Variants in NCOA6 observed in about 807,000 individuals in gnomAD.
NCOA6 encodes the protein NRC RAP250.
In NCOA6, 49 loss-of-function variants were observed where a neutral mutation model predicts 171.4. The observed-to-expected ratio is 0.29, with a 90% CI of 0.23 to 0.36. The LOEUF (loss-of-function observed/expected upper bound fraction) is 0.36. Among genes scored for constraint, NCOA6 ranks in the 10% least tolerant of loss-of-function variants. The pLI, the probability that NCOA6 is intolerant of heterozygous loss-of-function variation, is 1.00. For synonymous variants in NCOA6, 910 were observed against 927.5 expected, an observed-to-expected ratio of 0.98 and a Z score of 0.34; for missense variants, 2,248 against 2,554.5, an observed-to-expected ratio of 0.88 and a Z score of 2.59.
chr20:34,805,530 T>G (rs1455439343), intron 1 of NCOA6, among the ~76,000 whole-genome samples: 1 of 152,170 alleles, frequency 6.6e-6, no homozygotes, highest in Non-Finnish European at 1.5e-5. Flanking sequence ...TATCTAGTCA[T>G]GTACTGATGG....
At chr20:34,757,128 C>G in intron 7 of NCOA6, 92 bp downstream of exon 7, 1 of 1,318,556 alleles carries the variant, frequency 7.6e-7, no homozygotes, top group East Asian at 2.3e-5. Flanking sequence ...TATATCCTTA[C>G]TCCACTCCCT....
Position 34,715,270 on chromosome 20 carries a change from T to C in NCOA6, c.*52A>G. The C allele has an allele frequency of 6.2e-7, 1 of 1,612,392 alleles. No individual in the cohort carries two copies. The highest frequency in any genetic ancestry group is 1.1e-5 in the South Asian group (1 of 90,928). On this transcript the variant is annotated 3_prime_UTR_variant, in exon 15 of 15. Coordinates refer to ENST00000359003, the MANE Select transcript of NCOA6 (RefSeq NM_014071.5). Reference sequence around the variant, plus strand: ...TAAAAAAGTCACAGCTCAAAATTGCTCTTTGTAAAAGTCACACACATTTCC... The same window carrying C: ...TAAAAAAGTCACAGCTCAAAATTGCCCTTTGTAAAAGTCACACACATTTCC...
chr20:34,735,700 T>C (rs1199662371), intron 12 of NCOA6, among the ~76,000 whole-genome samples: 1 of 152,102 alleles, frequency 6.6e-6, no homozygotes, highest in Non-Finnish European at 1.5e-5. Context: ...GAAATGTTTT[T>C]TGCTCGCACA....
intron 1 of NCOA6, among the ~76,000 whole-genome samples, chr20:34,824,866 G>T (rs2079104272): frequency 6.6e-6 from 1 of 152,022 alleles, no homozygotes; most frequent in South Asian, 2.1e-4. Context: ...TGTACCCAAA[G>T]GGCCCTCATT....
chr20:34,797,084 T>G (rs1446387673), intron 1 of NCOA6, among the ~76,000 whole-genome samples: 1 of 152,178 alleles, frequency 6.6e-6, no homozygotes, highest in African/African-American at 2.4e-5. Context: ...AGGGGGCTCC[T>G]CTGGCTACAT....
At chr20:34,817,424 A>G (rs6120739) in intron 1 of NCOA6, among the ~76,000 whole-genome samples, 90,383 of 151,470 alleles carry the variant, frequency 0.6, 27,381 homozygotes, top group South Asian at 0.76. Flanking sequence ...TTCATCACAA[A>G]GTAAAGGTAT....
chr20:34,780,601 C>T (rs749010215), intron 3 of NCOA6, among the ~76,000 whole-genome samples: 49 of 152,026 alleles, frequency 3.2e-4, no homozygotes, highest in Non-Finnish European at 5.9e-4. Context: ...CCGCCCACCT[C>T]GACCTCCCAA....
At chr20:34,809,477 C>T (rs866412306) in intron 1 of NCOA6, 2 of 398,406 alleles carry the variant, frequency 5.0e-6, no homozygotes, top group Non-Finnish European at 8.8e-6. Context: ...TCTGACCACT[C>T]TCAGAAAAGT....
At chr20:34,750,588 GTTACA>G in intron 8 of NCOA6, 69 bp from the exon 9 acceptor site, 1 of 1,426,118 alleles carries the variant, frequency 7.0e-7, no homozygotes, top group Non-Finnish European at 9.3e-7. Context: ...AGATACTCAA[GTTACA>G]TTACTCAGAA....
intron 14 of NCOA6, among the ~76,000 whole-genome samples, chr20:34,716,106 C>T (rs1425688994): frequency 6.6e-6 from 1 of 151,326 alleles, no homozygotes; most frequent in East Asian, 2.0e-4. Context: ...TTAATCCCAG[C>T]TACTCAGGAG....
chr20:34,738,921 G>A (rs1394285289), intron 11 of NCOA6: 3 of 455,932 alleles, frequency 6.6e-6, no homozygotes, highest in East Asian at 6.9e-5. Flanking sequence ...GTAGGCACTC[G>A]AAGCATTTTA....
At chr20:34,768,732 GATGGGTC>G in intron 4 of NCOA6, 146 bp from the exon 5 acceptor site, 1 of 856,502 alleles carries the variant, frequency 1.2e-6, no homozygotes, top group Non-Finnish European at 1.8e-6. Context: ...GTTCAATGTA[GATGGGTC>G]TTTCTTCAAC....
At chr20:34,814,780 CG>C (rs2078776875) in intron 1 of NCOA6, among the ~76,000 whole-genome samples, 6 of 151,976 alleles carry the variant, frequency 3.9e-5, no homozygotes, top group Admixed American at 3.9e-4. Context: ...TTAGGAGAGA[CG>C]GGGTTTCACC....
chr20:34,734,659 T>G (rs2075894826), intron 12 of NCOA6, among the ~76,000 whole-genome samples: 1 of 148,924 alleles, frequency 6.7e-6, no homozygotes, highest in African/African-American at 2.5e-5. Flanking sequence ...TTTGCTCTTC[T>G]TTTTTTTTTG....
At chr20:34,751,333 G>A (rs1043423973) in intron 8 of NCOA6, among the ~76,000 whole-genome samples, 1 of 126,414 alleles carries the variant, frequency 7.9e-6, no homozygotes, top group African/African-American at 3.1e-5. Flanking sequence ...TTGCGCCACT[G>A]CAGTCCGCAG....
Position 34,778,825 on chromosome 20 carries a change from G to A in NCOA6, c.236-2377C>T, listed in dbSNP as rs546956081. On this transcript the variant is annotated intron_variant, in intron 3 of 14. Coordinates refer to ENST00000359003, the MANE Select transcript of NCOA6 (RefSeq NM_014071.5). ...ATACAAAAAATTAGCCTGGTGTGGT[G>A]GCGGGCGCCTGTAGTCCCAGCTACT... is the stretch of plus-strand genomic sequence containing the variant. Among the ~76,000 whole-genome samples the A allele has an allele frequency of 2.6e-5, 4 of 152,042 alleles. No homozygotes were observed. In the East Asian group the frequency reaches 5.9e-4, roughly 22 times the overall value.
intron 1 of NCOA6, among the ~76,000 whole-genome samples, chr20:34,797,134 CAT>C (rs1468617464): frequency 3.3e-5 from 5 of 152,146 alleles, no homozygotes; most frequent in Non-Finnish European, 5.9e-5. Context: ...GAACCTGGAC[CAT>C]CAGCCAGCAT....
At chr20:34,778,603 T>A (rs943921042) in intron 3 of NCOA6, among the ~76,000 whole-genome samples, 1 of 151,706 alleles carries the variant, frequency 6.6e-6, no homozygotes, top group Non-Finnish European at 1.5e-5. Flanking sequence ...AATTTTTGTA[T>A]TTTTAGTAGA....
chr20:34,768,709 A>ATTTTTCTGGTG, intron 4 of NCOA6, 123 bp from the exon 5 acceptor site: 2 of 1,095,634 alleles, frequency 1.8e-6, no homozygotes, highest in Non-Finnish European at 2.6e-6. Flanking sequence ...GTTTACCACC[A>ATTTTTCTGGTG]GAAAAATGGT....
Sources: allele counts gnomAD v4.1 joint callset (sites outside exome capture counted in the v4.1 genomes callset), GRCh38; gene constraint gnomAD v4.1.1; transcripts MANE v1.5; gene names NCBI Gene and HGNC (gene_info 2026-07-23, HGNC 2026-07-21).